The following AEBP2 variants were observed in gnomAD, a reference collection of about 807,000 sequenced individuals.
The protein encoded by AEBP2 is AE binding protein 2.
In AEBP2, 10 loss-of-function variants were observed where a neutral mutation model predicts 50.8. The ratio of observed to expected loss-of-function variants is 0.20; its 90% CI spans 0.12 to 0.33. The LOEUF (loss-of-function observed/expected upper bound fraction) is 0.33. Among genes scored for constraint, AEBP2 ranks in the 10% least tolerant of loss-of-function variants. The probability of loss-of-function intolerance (pLI) is 1.00; values close to 1 mark genes in which losing one functional copy is unlikely to be tolerated. For missense variants in AEBP2, 570 were observed against 688.0 expected, an observed-to-expected ratio of 0.83 and a Z score of 1.92; for synonymous variants, 296 against 261.3, an observed-to-expected ratio of 1.13 and a Z score of -1.28.
At chr12:19,452,961 C>CTTTTTTTT (rs34876719) in intron 1 of AEBP2, among the ~76,000 whole-genome samples, 5 of 106,936 alleles carry the variant, frequency 4.7e-5, no homozygotes, top group Non-Finnish European at 7.3e-5. Flanking sequence ...GACTTACGTT[C>CTTTTTTTT]TTTTTTTTTT....
intron 4 of AEBP2, among the ~76,000 whole-genome samples, chr12:19,497,954 C>T (rs540424077): frequency 1.3e-5 from 2 of 152,278 alleles, no homozygotes; most frequent in African/African-American, 2.4e-5. Context: ...CTATTCTTTA[C>T]GTACTCTAAT....
chr12:19,459,674 C>T (rs1948337832), intron 1 of AEBP2, among the ~76,000 whole-genome samples: 1 of 152,106 alleles, frequency 6.6e-6, no homozygotes, highest in Non-Finnish European at 1.5e-5. Flanking sequence ...GAGAGTTTTA[C>T]AGAGATTACA....
At chr12:19,417,016 C>T (rs952283544) in intron 1 of AEBP2, among the ~76,000 whole-genome samples, 1 of 151,834 alleles carries the variant, frequency 6.6e-6, no homozygotes, top group African/African-American at 2.4e-5. Context: ...AGACTACAGC[C>T]ATGTGCCACC....
intron 1 of AEBP2, chr12:19,456,725 AAG>A: frequency 6.3e-7 from 1 of 1,589,952 alleles, no homozygotes; most frequent in African/African-American, 1.3e-5. Flanking sequence ...TGTCCCCAGA[AAG>A]AGTTTCACTC....
intron 5 of AEBP2, among the ~76,000 whole-genome samples, chr12:19,504,403 ATTT>A (rs530996011): frequency 6.7e-6 from 1 of 150,218 alleles, no homozygotes; most frequent in Non-Finnish European, 1.5e-5. Context: ...CGCCTGGCTA[ATTT>A]TTTTGTATTT....
intron 6 of AEBP2, 130 bp from the exon 7 acceptor site, chr12:19,514,541 G>T: frequency 1.7e-6 from 1 of 598,862 alleles, no homozygotes; most frequent in Non-Finnish European, 2.8e-6. Flanking sequence ...AGCTTCCCTG[G>T]CTTCTGGGAA....
chr12:19,428,637 C>T (rs985018845), intron 1 of AEBP2, among the ~76,000 whole-genome samples: 5 of 152,142 alleles, frequency 3.3e-5, no homozygotes, highest in Admixed American at 1.3e-4. Context: ...CATAGTGAAA[C>T]GCTGTCTCTA....
chr12:19,432,305 A>AT (rs2095751831), intron 1 of AEBP2, among the ~76,000 whole-genome samples: 1 of 152,168 alleles, frequency 6.6e-6, no homozygotes, highest in Non-Finnish European at 1.5e-5. Flanking sequence ...TAAAAACCAT[A>AT]TGATATTGGG....
At chr12:19,486,109 C>A (rs925017720) in intron 3 of AEBP2, among the ~76,000 whole-genome samples, 1 of 152,036 alleles carries the variant, frequency 6.6e-6, no homozygotes, top group African/African-American at 2.4e-5. Flanking sequence ...GACAAGATTT[C>A]TAATGTCCTT....
At chr12:19,425,206 G>A (rs1303299660) in intron 1 of AEBP2, among the ~76,000 whole-genome samples, 1 of 152,154 alleles carries the variant, frequency 6.6e-6, no homozygotes, top group Admixed American at 6.5e-5. Flanking sequence ...ACACAGTCCT[G>A]TTCCAGCACA....
intron 1 of AEBP2, among the ~76,000 whole-genome samples, chr12:19,404,871 A>T (rs1384634440): frequency 7.0e-6 from 1 of 143,852 alleles, no homozygotes; most frequent in Non-Finnish European, 1.5e-5. Context: ...ATGTTACGAT[A>T]TTATTTTTAG....
At chr12:19,468,179 C>T (rs940738156) in intron 2 of AEBP2, among the ~76,000 whole-genome samples, 2 of 95,988 alleles carry the variant, frequency 2.1e-5, no homozygotes, top group Non-Finnish European at 5.2e-5. Flanking sequence ...ATGAGACAGT[C>T]TTACTATGTT....
chr12:19,412,969 C>A (rs929418267), intron 1 of AEBP2, among the ~76,000 whole-genome samples: 1 of 152,168 alleles, frequency 6.6e-6, no homozygotes, highest in African/African-American at 2.4e-5. Flanking sequence ...CCAGGAGGCT[C>A]GCGGCAGGGG....
intron 5 of AEBP2, among the ~76,000 whole-genome samples, chr12:19,502,267 C>T (rs1043466258): frequency 1.3e-5 from 2 of 151,510 alleles, no homozygotes; most frequent in Non-Finnish European, 2.9e-5. Flanking sequence ...CCCGAGTAGC[C>T]GGATTACAGG....
At chr12:19,512,261 C>A in intron 5 of AEBP2, 137 bp from the exon 6 acceptor site, 1 of 510,872 alleles carries the variant, frequency 2.0e-6, no homozygotes. Context: ...ACCTTATGAT[C>A]CACCCGCCTT....
intron 1 of AEBP2, among the ~76,000 whole-genome samples, chr12:19,425,898 G>A (rs1175736197): frequency 1.3e-5 from 2 of 151,976 alleles, no homozygotes; most frequent in Admixed American, 6.6e-5. Context: ...ATCTTAGGAT[G>A]CTTTCTGATG....
chr12:19,497,328 G>GTTTTTTTTTTTTTTT (rs34011915), intron 4 of AEBP2, among the ~76,000 whole-genome samples: 4 of 78,710 alleles, frequency 5.1e-5, no homozygotes, highest in Non-Finnish European at 6.7e-5. Context: ...TTCCAAAGGT[G>GTTTTTTTTTTTTTTT]TTTTTTTTTT....
chr12:19,459,840 C>A (rs1467639235), intron 1 of AEBP2, among the ~76,000 whole-genome samples: 1 of 152,132 alleles, frequency 6.6e-6, no homozygotes, highest in African/African-American at 2.4e-5. Context: ...TTTTTCATAT[C>A]TGAAGCATCC....
chr12:19,411,336 G>C (rs889511845), intron 1 of AEBP2, among the ~76,000 whole-genome samples: 4 of 152,220 alleles, frequency 2.6e-5, no homozygotes, highest in African/African-American at 7.2e-5. Flanking sequence ...CCAGAGGGAG[G>C]ATGTAGCTCA....
Sources: allele counts gnomAD v4.1 joint callset (sites outside exome capture counted in the v4.1 genomes callset), GRCh38; gene constraint gnomAD v4.1.1; transcripts MANE v1.5; gene names NCBI Gene and HGNC (gene_info 2026-07-23, HGNC 2026-07-21).